The following KCNQ5 variants were observed in gnomAD, a reference collection of about 807,000 sequenced individuals.
KCNQ5 encodes potassium voltage-gated channel subfamily KQT member 5.
A neutral mutation model predicts 98.2 loss-of-function variants in KCNQ5; 30 were observed. The observed-to-expected ratio is 0.31, with a 90% confidence interval of 0.23 to 0.41. The LOEUF (loss-of-function observed/expected upper bound fraction) is 0.41. Among genes scored for constraint, KCNQ5 ranks in the 10% least tolerant of loss-of-function variants. The probability of loss-of-function intolerance (pLI) is 1.00; values close to 1 mark genes in which losing one functional copy is unlikely to be tolerated. For missense variants in KCNQ5, 835 were observed against 1,182.5 expected (o/e 0.71, Z 4.31); for synonymous variants, 458 against 449.4 (o/e 1.02, Z -0.24).
intron 1 of KCNQ5, among the ~76,000 whole-genome samples, chr6:72,899,105 A>T (rs550751889): frequency 3.3e-5 from 5 of 151,882 alleles, no homozygotes; most frequent in Admixed American, 2.0e-4. Context: ...GATTGCAAAA[A>T]TTTTTTCCCA....
intron 5 of KCNQ5, among the ~76,000 whole-genome samples, chr6:73,099,719 A>G (rs867638978): frequency 6.6e-6 from 1 of 152,378 alleles, no homozygotes; most frequent in South Asian, 2.1e-4. Flanking sequence ...ACATACCCCA[A>G]GTCAATAATA....
At chr6:72,950,474 T>A (rs1766746770) in intron 1 of KCNQ5, among the ~76,000 whole-genome samples, 1 of 152,216 alleles carries the variant, frequency 6.6e-6, no homozygotes, top group South Asian at 2.1e-4. Context: ...CGCCAACTTG[T>A]TGGTAGAATT....
chr6:72,745,320 C>T (rs140156022), intron 1 of KCNQ5, among the ~76,000 whole-genome samples: 138 of 152,250 alleles, frequency 9.1e-4, no homozygotes, highest in African/African-American at 3.0e-3. Context: ...GAATTGGGTT[C>T]GCCAGGTTTA....
intron 1 of KCNQ5, among the ~76,000 whole-genome samples, chr6:72,631,361 TG>T (rs1231463400): frequency 1.3e-5 from 2 of 152,070 alleles, no homozygotes; most frequent in Non-Finnish European, 2.9e-5. Context: ...AGGTCAAGGA[TG>T]GAAATCTGGA....
chr6:72,966,217 T>C (rs1054998632), intron 1 of KCNQ5, among the ~76,000 whole-genome samples: 2 of 152,234 alleles, frequency 1.3e-5, no homozygotes, highest in Non-Finnish European at 2.9e-5. Context: ...CAGTCAAATA[T>C]TCCCAATAAG....
At chr6:73,171,515 CAAT>C (rs1287912580) in intron 11 of KCNQ5, among the ~76,000 whole-genome samples, 1 of 152,070 alleles carries the variant, frequency 6.6e-6, no homozygotes, top group Admixed American at 6.5e-5. Flanking sequence ...CTGCACTGTC[CAAT>C]ATGATAACCA....
intron 5 of KCNQ5, among the ~76,000 whole-genome samples, chr6:73,089,323 A>G (rs1774133611): frequency 2.0e-5 from 3 of 152,148 alleles, no homozygotes; most frequent in African/African-American, 7.2e-5. Flanking sequence ...GTTGGTAGGG[A>G]AGTAGCTTTT....
At chr6:72,699,195 G>A (rs958205848) in intron 1 of KCNQ5, among the ~76,000 whole-genome samples, 3 of 152,088 alleles carry the variant, frequency 2.0e-5, no homozygotes, top group South Asian at 4.1e-4. Flanking sequence ...AAATCAGGTG[G>A]GACCTTCTAA....
At chr6:73,010,449 G>A (rs1050912851) in intron 2 of KCNQ5, among the ~76,000 whole-genome samples, 11 of 151,930 alleles carry the variant, frequency 7.2e-5, no homozygotes, top group African/African-American at 2.2e-4. Context: ...TCTAAGATCA[G>A]GAAGAAGGCA....
At chr6:72,997,403 C>T (rs1056080807) in intron 1 of KCNQ5, among the ~76,000 whole-genome samples, 4 of 152,094 alleles carry the variant, frequency 2.6e-5, no homozygotes, top group Non-Finnish European at 5.9e-5. Context: ...TTCCCATACC[C>T]TCCAATTTCC....
At chr6:73,130,141 T>C (rs957240413) in intron 9 of KCNQ5, among the ~76,000 whole-genome samples, 2 of 152,228 alleles carry the variant, frequency 1.3e-5, no homozygotes, top group East Asian at 1.9e-4. Context: ...CACTGGATTG[T>C]TATGGCTCAG....
At chr6:72,995,573 CAA>C (rs758284979) in intron 1 of KCNQ5, among the ~76,000 whole-genome samples, 7 of 151,960 alleles carry the variant, frequency 4.6e-5, no homozygotes, top group Non-Finnish European at 7.4e-5. Flanking sequence ...TTGAGGGAAA[CAA>C]AGAGAAATTC....
intron 3 of KCNQ5, among the ~76,000 whole-genome samples, chr6:73,074,024 A>C (rs1308268948): frequency 1.3e-5 from 2 of 152,228 alleles, no homozygotes; most frequent in Non-Finnish European, 2.9e-5. Flanking sequence ...CCCAGTCAAC[A>C]AGCCATTGAT....
chr6:72,974,533 G>T (rs1218158044), intron 1 of KCNQ5, among the ~76,000 whole-genome samples: 1 of 152,084 alleles, frequency 6.6e-6, no homozygotes, highest in African/African-American at 2.4e-5. Context: ...CTGACTCTTT[G>T]ACAGCATAGC....
At chr6:72,758,201 A>T (rs1182253522) in intron 1 of KCNQ5, among the ~76,000 whole-genome samples, 2 of 151,990 alleles carry the variant, frequency 1.3e-5, no homozygotes, top group African/African-American at 4.8e-5. Context: ...ATATCATAAG[A>T]TCATATGGCC....
At chr6:72,791,213 G>T (rs1433493926) in intron 1 of KCNQ5, among the ~76,000 whole-genome samples, 1 of 152,194 alleles carries the variant, frequency 6.6e-6, no homozygotes, top group Non-Finnish European at 1.5e-5. Flanking sequence ...CAGCAGCTAT[G>T]CATATGAGAG....
rs141354312 is a variant in KCNQ5 at position 72,921,615 on chromosome 6, T to C, written c.399-82293T>C. Reference sequence around the variant, plus strand: ...AGCTTCAGTTTCCTCCTCAGTAAAATTGGGAAGGGAAAATAAGAGAATCTA... The same window carrying C: ...AGCTTCAGTTTCCTCCTCAGTAAAACTGGGAAGGGAAAATAAGAGAATCTA... On this transcript the variant is annotated intron_variant, in intron 1 of 13. Coordinates refer to ENST00000370398, the MANE Select transcript of KCNQ5 (RefSeq NM_019842.4). Among the ~76,000 whole-genome samples, 12 of 152,240 alleles carry C rather than the reference T, an allele frequency of 7.9e-5. 1 individual carries two copies. The East Asian group carries it at 2.3e-3, about 29-fold the overall frequency.
At chr6:72,926,374 G>C (rs1765420032) in intron 1 of KCNQ5, among the ~76,000 whole-genome samples, 1 of 152,078 alleles carries the variant, frequency 6.6e-6, no homozygotes, top group South Asian at 2.1e-4. Flanking sequence ...GTCTGCTAAA[G>C]CTTCATTTCT....
Position 72,994,572 on chromosome 6 carries a change from T to C in KCNQ5, c.399-9336T>C, listed in dbSNP as rs552220420. On this transcript the variant is annotated intron_variant, in intron 1 of 13. Coordinates refer to ENST00000370398, the MANE Select transcript of KCNQ5 (RefSeq NM_019842.4). ...GCGCCCACTGTCTGGCACTCCCTAG[T>C]GAGATGAACCCGGTACCTCAGATGG... 7.0e-3 allele frequency among the ~76,000 whole-genome samples: 1,041 copies of C among 148,828 alleles called. 3 individuals carry two copies. Among genetic ancestry groups the C allele is most frequent in the Non-Finnish European group, 0.011 (771 of 67,206 alleles).
Sources: allele counts gnomAD v4.1 joint callset (sites outside exome capture counted in the v4.1 genomes callset), GRCh38; gene constraint gnomAD v4.1.1; transcripts MANE v1.5; gene names NCBI Gene and HGNC (gene_info 2026-07-23, HGNC 2026-07-21).